NELL1: variants seen among roughly 807,000 people sequenced by gnomAD.
NELL1 encodes neural EGFL like 1, also known as protein kinase C-binding protein NELL1.
Under a neutral mutation model 107.4 loss-of-function variants are expected in NELL1, and 76 were observed. That is an observed-to-expected ratio of 0.71 (90% CI 0.59 to 0.86). The LOEUF (loss-of-function observed/expected upper bound fraction) is 0.86. Ranked by LOEUF, NELL1 falls within the 40% of genes least tolerant of loss-of-function variation. NELL1 has a pLI of 0.00. For synonymous variants in NELL1, 353 were observed against 341.2 expected (o/e 1.03, Z -0.38); for missense variants, 1,024 against 1,005.5 (o/e 1.02, Z -0.25).
At chr11:21,066,091 C>T (rs1210881881) in intron 12 of NELL1, among the ~76,000 whole-genome samples, 1 of 152,014 alleles carries the variant, frequency 6.6e-6, no homozygotes, top group Admixed American at 6.6e-5. Context: ...TCTTTTGTGC[C>T]CATTTGCTTT....
chr11:21,189,287 T>C (rs1857000137), intron 13 of NELL1, among the ~76,000 whole-genome samples: 1 of 151,936 alleles, frequency 6.6e-6, no homozygotes, highest in Non-Finnish European at 1.5e-5. Flanking sequence ...GTTATGTGCA[T>C]CTTTAATTTG....
At chr11:21,040,779 A>C (rs2134331324) in intron 12 of NELL1, among the ~76,000 whole-genome samples, 1 of 152,324 alleles carries the variant, frequency 6.6e-6, no homozygotes, top group Non-Finnish European at 1.5e-5. Context: ...TTGTTAGAAA[A>C]AAATAACTGT....
Position 20,669,644 on chromosome 11 carries a change from C to A in NELL1, c.-80C>A. ...CGCTAGCAAGTTTGGCGGCTCCAAG[C>A]CAGGCGCGCCTCAGGATCCAGGCTC... On this transcript the variant is annotated 5_prime_UTR_variant, in exon 1 of 20. Coordinates refer to ENST00000357134, the MANE Select transcript of NELL1 (RefSeq NM_006157.5). The surrounding 1 kb of genome is among the most constrained non-coding windows in gnomAD (Gnocchi z 4.4). 1.5e-6 allele frequency: 2 copies of A among 1,293,468 alleles called. No individual in the cohort carries two copies. The highest frequency in any genetic ancestry group is 1.2e-5 in the South Asian group (1 of 81,528). 80.1% of individuals were successfully genotyped at this position (1,293,468 alleles called of 1,614,324 possible).
At chr11:21,386,410 T>C (rs536524806) in intron 15 of NELL1, among the ~76,000 whole-genome samples, 4 of 151,824 alleles carry the variant, frequency 2.6e-5, no homozygotes, top group Non-Finnish European at 4.4e-5. Flanking sequence ...TTGATATTCA[T>C]AAACTAGATG....
intron 15 of NELL1, among the ~76,000 whole-genome samples, chr11:21,525,734 C>T (rs561023044): frequency 3.3e-5 from 5 of 152,310 alleles, no homozygotes; most frequent in African/African-American, 1.2e-4. Context: ...TCAAGTCTCA[C>T]ATGGTGGAGA....
chr11:21,276,589 A>G (rs1163272320), intron 14 of NELL1, among the ~76,000 whole-genome samples: 1 of 152,174 alleles, frequency 6.6e-6, no homozygotes, highest in Non-Finnish European at 1.5e-5. Flanking sequence ...TGCATTGCCA[A>G]GTCAATCCTA....
chr11:21,154,776 T>C (rs1228272394), intron 13 of NELL1, among the ~76,000 whole-genome samples: 1 of 152,076 alleles, frequency 6.6e-6, no homozygotes, highest in Non-Finnish European at 1.5e-5. Context: ...GCAGTGAAAA[T>C]GGAATTTATC....
At chr11:21,085,534 G>A (rs533476761) in intron 12 of NELL1, among the ~76,000 whole-genome samples, 7 of 152,058 alleles carry the variant, frequency 4.6e-5, no homozygotes, top group Non-Finnish European at 8.8e-5. Context: ...TACTCAGAAG[G>A]CTCAGGTAGG....
At chr11:21,530,351 A>T (rs959417907) in intron 15 of NELL1, among the ~76,000 whole-genome samples, 1 of 152,134 alleles carries the variant, frequency 6.6e-6, no homozygotes, top group African/African-American at 2.4e-5. Context: ...AAGAGATTAG[A>T]TGGAGGAAGA....
At chr11:20,899,839 GA>G (rs1165065137) in intron 5 of NELL1, among the ~76,000 whole-genome samples, 2 of 152,038 alleles carry the variant, frequency 1.3e-5, no homozygotes, top group Admixed American at 6.6e-5. Flanking sequence ...CAATAAAATG[GA>G]AAATTAGAGA....
At chr11:21,376,068 A>G (rs1484951671) in intron 15 of NELL1, among the ~76,000 whole-genome samples, 1 of 152,010 alleles carries the variant, frequency 6.6e-6, no homozygotes, top group Admixed American at 6.6e-5. Context: ...CCTACTTGTC[A>G]ATTTTTGTTT....
chr11:20,992,984 G>A (rs1174729946), intron 12 of NELL1, among the ~76,000 whole-genome samples: 1 of 152,056 alleles, frequency 6.6e-6, no homozygotes, highest in African/African-American at 2.4e-5. Flanking sequence ...AAGTGCAAAA[G>A]TGGCATTTTT....
At chr11:21,411,320 T>C (rs955262539) in intron 15 of NELL1, among the ~76,000 whole-genome samples, 1 of 152,192 alleles carries the variant, frequency 6.6e-6, no homozygotes, top group Middle Eastern at 3.4e-3. Context: ...CAAACATGCC[T>C]GTGGGTTTTA....
rs564376902 is a variant in NELL1 at position 21,454,062 on chromosome 11, A to G, written c.1646-80312A>G. On this transcript the variant is annotated intron_variant, in intron 15 of 19. Coordinates refer to ENST00000357134, the MANE Select transcript of NELL1 (RefSeq NM_006157.5). Reference sequence around the variant, plus strand: ...CATCTAGCATTAGGTATATCTCCCAATGCTATCCTTCCCCCCTCCCCCCAC... The same window carrying G: ...CATCTAGCATTAGGTATATCTCCCAGTGCTATCCTTCCCCCCTCCCCCCAC... 5.7e-5 allele frequency among the ~76,000 whole-genome samples: 8 copies of G among 141,472 alleles called. No individual in the cohort carries two copies. The East Asian group carries it at 6.3e-4, about 11-fold the overall frequency. The allele number at this position is 141,472 out of a possible 152,430, so 92.8% of individuals were successfully genotyped here. A position where few individuals can be genotyped will look rare whatever the true frequency, so the allele number is the denominator to read the frequency against.
At chr11:21,480,215 C>A (rs970136658) in intron 15 of NELL1, among the ~76,000 whole-genome samples, 2 of 152,112 alleles carry the variant, frequency 1.3e-5, no homozygotes, top group African/African-American at 4.8e-5. Flanking sequence ...TTTCCTGATG[C>A]TTTTACTATT....
chr11:20,700,201 C>T (rs1854739642), intron 2 of NELL1, among the ~76,000 whole-genome samples: 1 of 152,120 alleles, frequency 6.6e-6, no homozygotes, highest in Admixed American at 6.6e-5. Flanking sequence ...TTTCAATAGG[C>T]TGGGTGCAGT....
intron 2 of NELL1, among the ~76,000 whole-genome samples, chr11:20,682,666 A>G (rs1424636642): frequency 6.6e-6 from 1 of 152,066 alleles, no homozygotes; most frequent in Non-Finnish European, 1.5e-5. Flanking sequence ...CTGTGCAGCC[A>G]TCATCACAAT....
At chr11:21,051,491 T>C (rs1333949660) in intron 12 of NELL1, among the ~76,000 whole-genome samples, 2 of 152,058 alleles carry the variant, frequency 1.3e-5, no homozygotes, top group South Asian at 2.1e-4. Context: ...AAAGGACTTA[T>C]TAATGTAACT....
chr11:21,040,071 A>G (rs375243280), intron 12 of NELL1, among the ~76,000 whole-genome samples: 28 of 152,102 alleles, frequency 1.8e-4, no homozygotes, highest in African/African-American at 6.5e-4. Flanking sequence ...CCAGCCTAAA[A>G]TTATCACTAA....
Sources: gnomAD v4.1 joint callset for allele counts (sites outside exome capture counted in the v4.1 genomes callset) on GRCh38, gnomAD v4.1.1 for gene constraint, Gnocchi (gnomAD v3.1) non-coding constraint, MANE v1.5 for transcripts, NCBI Gene and HGNC (gene_info 2026-07-23, HGNC 2026-07-21) for gene names.